OSBPL6: variants seen among roughly 807,000 people sequenced by gnomAD.
The protein encoded by OSBPL6 is oxysterol binding protein like 6.
In OSBPL6, 49 loss-of-function variants were observed where a neutral mutation model predicts 125.8. The observed-to-expected ratio is 0.39, with a 90% CI of 0.31 to 0.49. The LOEUF (loss-of-function observed/expected upper bound fraction) is 0.49. Among genes scored for constraint, OSBPL6 ranks in the 20% least tolerant of loss-of-function variants. The pLI is 0.88. For synonymous variants in OSBPL6, 394 were observed against 391.8 expected (o/e 1.01, Z -0.07); for missense variants, 986 against 1,135.4 (o/e 0.87, Z 1.89).
At chr2:178,308,039 A>G (rs565731569) in intron 3 of OSBPL6, among the ~76,000 whole-genome samples, 153 of 152,308 alleles carry the variant, frequency 1.0e-3, no homozygotes, top group Admixed American at 2.7e-3. Flanking sequence ...TACATGGATA[A>G]TGAGTTCTAG....
At chr2:178,276,993 A>G (rs191771841) in intron 1 of OSBPL6, among the ~76,000 whole-genome samples, 2 of 152,240 alleles carry the variant, frequency 1.3e-5, no homozygotes, top group East Asian at 3.9e-4. Flanking sequence ...ATTTGTTTAT[A>G]TATTGTCTGT....
chr2:178,348,444 G>C (rs942759843), intron 11 of OSBPL6, among the ~76,000 whole-genome samples: 1 of 152,186 alleles, frequency 6.6e-6, no homozygotes, highest in Non-Finnish European at 1.5e-5. Context: ...TCTTAAAGGG[G>C]AGGAAAAGGT....
At chr2:178,202,153 G>A (rs1487488413) in intron 1 of OSBPL6, among the ~76,000 whole-genome samples, 1 of 152,032 alleles carries the variant, frequency 6.6e-6, no homozygotes, top group Non-Finnish European at 1.5e-5. Flanking sequence ...TGTTTGAAAA[G>A]TTATCTTTTA....
At chr2:178,196,290 T>C (rs60811099) in intron 1 of OSBPL6, among the ~76,000 whole-genome samples, 17,394 of 151,910 alleles carry the variant, frequency 0.11, 1,030 homozygotes, top group South Asian at 0.19. Context: ...GCAGTAGGAG[T>C]TCATATATTT....
intron 8 of OSBPL6, among the ~76,000 whole-genome samples, chr2:178,334,097 T>A (rs1689461380): frequency 6.6e-6 from 1 of 152,144 alleles, no homozygotes; most frequent in Non-Finnish European, 1.5e-5. Context: ...GAGATGTTGT[T>A]TGTTAAAAAA....
intron 12 of OSBPL6, among the ~76,000 whole-genome samples, chr2:178,351,698 A>T (rs1376194555): frequency 6.6e-6 from 1 of 152,250 alleles, no homozygotes; most frequent in Non-Finnish European, 1.5e-5. Flanking sequence ...ATGAACATGG[A>T]TGGAGCTAGA....
chr2:178,202,175 A>G (rs2089293092), intron 1 of OSBPL6, among the ~76,000 whole-genome samples: 1 of 152,198 alleles, frequency 6.6e-6, no homozygotes, highest in African/African-American at 2.4e-5. Context: ...AGATATGTAA[A>G]TGATAATTTA....
At chr2:178,259,094 T>C (rs1291251669) in intron 1 of OSBPL6, among the ~76,000 whole-genome samples, 4 of 152,226 alleles carry the variant, frequency 2.6e-5, no homozygotes, top group Non-Finnish European at 4.4e-5. Context: ...GTTTCTCTTC[T>C]GAAGGTTGTT....
At chr2:178,206,036 CAATA>C (rs2089510174) in intron 1 of OSBPL6, among the ~76,000 whole-genome samples, 1 of 152,182 alleles carries the variant, frequency 6.6e-6, no homozygotes, top group Non-Finnish European at 1.5e-5. Flanking sequence ...TGAGCCTACC[CAATA>C]TGCTGATTAA....
chr2:178,266,902 C>T (rs1428775815), intron 1 of OSBPL6, among the ~76,000 whole-genome samples: 1 of 152,066 alleles, frequency 6.6e-6, no homozygotes, highest in Non-Finnish European at 1.5e-5. Context: ...TAAAAAAATA[C>T]TAGGAGGTAG....
intron 2 of OSBPL6, among the ~76,000 whole-genome samples, chr2:178,287,379 G>A (rs1363283715): frequency 3.3e-5 from 5 of 151,770 alleles, no homozygotes; most frequent in Non-Finnish European, 7.4e-5. Context: ...CAATGGGTGG[G>A]ATTTTTATTT....
chr2:178,262,865 A>C (rs1299604256), intron 1 of OSBPL6, among the ~76,000 whole-genome samples: 4 of 152,204 alleles, frequency 2.6e-5, no homozygotes, highest in African/African-American at 9.6e-5. Flanking sequence ...TGTTTCTAAG[A>C]ATTAATAATT....
At chr2:178,256,144 G>T (rs2091880652) in intron 1 of OSBPL6, among the ~76,000 whole-genome samples, 1 of 152,190 alleles carries the variant, frequency 6.6e-6, no homozygotes, top group African/African-American at 2.4e-5. Flanking sequence ...GAAAAGCTGT[G>T]CAGTTCTGTG....
chr2:178,395,239 C>G (rs540747756), intron 24 of OSBPL6, among the ~76,000 whole-genome samples: 2 of 152,246 alleles, frequency 1.3e-5, no homozygotes, highest in East Asian at 3.9e-4. Context: ...TTCCTCTCCC[C>G]CTGGCCCTAC....
chr2:178,257,172 G>T (rs1207094747), intron 1 of OSBPL6, among the ~76,000 whole-genome samples: 1 of 152,072 alleles, frequency 6.6e-6, no homozygotes, highest in African/African-American at 2.4e-5. Context: ...TATTATTTTG[G>T]ATGGTAAAGC....
chr2:178,380,718 G>C (rs1694394999), intron 15 of OSBPL6, among the ~76,000 whole-genome samples: 1 of 152,066 alleles, frequency 6.6e-6, no homozygotes, highest in Admixed American at 6.6e-5. Flanking sequence ...ATATTTACAA[G>C]GATGTTCATC....
intron 1 of OSBPL6, among the ~76,000 whole-genome samples, chr2:178,242,974 A>G (rs1470504521): frequency 6.6e-6 from 1 of 151,772 alleles, no homozygotes; most frequent in African/African-American, 2.4e-5. Flanking sequence ...ACATATATTT[A>G]ATATTTTAAA....
intron 2 of OSBPL6, among the ~76,000 whole-genome samples, chr2:178,298,336 G>C (rs1685946820): frequency 6.6e-6 from 1 of 152,214 alleles, no homozygotes; most frequent in Non-Finnish European, 1.5e-5. Context: ...CTATGGACAT[G>C]GTTGTACAGT....
At chr2:178,388,485 G>A (rs778971036) in intron 20 of OSBPL6, among the ~76,000 whole-genome samples, 1 of 152,060 alleles carries the variant, frequency 6.6e-6, no homozygotes, top group African/African-American at 2.4e-5. Context: ...CCTGCCACCC[G>A]CACTCACCTG....
Sources: gnomAD v4.1 joint callset for allele counts (sites outside exome capture counted in the v4.1 genomes callset) on GRCh38, gnomAD v4.1.1 for gene constraint, MANE v1.5 for transcripts, NCBI Gene and HGNC (gene_info 2026-07-23, HGNC 2026-07-21) for gene names.